PIK3R5: variants seen among roughly 807,000 people sequenced by gnomAD.
The protein encoded by PIK3R5 is phosphoinositide-3-kinase regulatory subunit 5, also known as phosphoinositide 3-kinase regulatory subunit 5.
In PIK3R5, 32 loss-of-function variants were observed where a neutral mutation model predicts 94.9. That is an observed-to-expected ratio of 0.34 (90% CI 0.25 to 0.45). PIK3R5 has a LOEUF of 0.45. Ranked by LOEUF, PIK3R5 falls within the 20% of genes least tolerant of loss-of-function variation. The pLI, the probability that PIK3R5 is intolerant of heterozygous loss-of-function variation, is 1.00. For synonymous variants in PIK3R5, 443 were observed against 479.4 expected (o/e 0.92, Z 0.99); for missense variants, 853 against 1,144.6 (o/e 0.75, Z 3.68).
Position 8,918,548 on chromosome 17 carries a change from T to G in PIK3R5, c.-13-7041A>C, listed in dbSNP as rs141121762. On this transcript the variant is annotated intron_variant, in intron 1 of 18. Transcript: ENST00000447110. ...ACATAAATGGAGGAGAAATGACAGGTCTTCTTTACAAAAGAATTCCAATTA... is the reference window on the plus strand; with the variant it reads ...ACATAAATGGAGGAGAAATGACAGGGCTTCTTTACAAAAGAATTCCAATTA... 4.7e-3 allele frequency among the ~76,000 whole-genome samples: 710 copies of G among 152,322 alleles called. 5 individuals are homozygous for G. Among genetic ancestry groups the G allele is most frequent in the African/African-American group, 0.016 (676 of 41,558 alleles).
chr17:8,891,838 T>C (rs1242101272), intron 6 of PIK3R5, among the ~76,000 whole-genome samples: 1 of 151,884 alleles, frequency 6.6e-6, no homozygotes, highest in Admixed American at 6.6e-5. Context: ...ACTCCTCACC[T>C]CGTGATCCAC....
chr17:8,889,951 C>G lies in PIK3R5; in HGVS notation c.811+22G>C, dbSNP rs571671799. 1.4e-5 allele frequency: 22 copies of G among 1,612,166 alleles called. No individual in the cohort carries two copies. In the African/African-American group the frequency reaches 2.4e-4, roughly 18 times the overall value. ...TAGGCCATGGGGAATGTGGGAGAAC[C>G]CCATTCTCCCAAGAGCCTCACCTAA... On this transcript the variant is annotated intron_variant, in intron 8 of 18. Transcript: ENST00000447110. The surrounding 1 kb of genome is among the most constrained non-coding windows in gnomAD (Gnocchi z 4.1).
chr17:8,881,572 C>T lies in PIK3R5; in HGVS notation c.2382+58G>A. 7.5e-7 allele frequency: 1 copy of T among 1,336,306 alleles called. No homozygotes were observed. The highest frequency in any genetic ancestry group is 1.1e-6 in the Non-Finnish European group (1 of 948,542). 82.8% of individuals were successfully genotyped at this position (1,336,306 alleles called of 1,614,324 possible). A position where few individuals can be genotyped will look rare whatever the true frequency, so the allele number is the denominator to read the frequency against. Reference sequence around the variant, plus strand: ...GCACACACACGTACACACATACGCACATGCACGCTCCAGTAAGTCTCTTGA... The same window carrying T: ...GCACACACACGTACACACATACGCATATGCACGCTCCAGTAAGTCTCTTGA... On this transcript the variant is annotated intron_variant, in intron 17 of 18. Coordinates refer to ENST00000447110, the MANE Select transcript of PIK3R5 (RefSeq NM_001142633.3). This position sits in a 1 kb window ranked among gnomAD's most constrained non-coding sequence, Gnocchi z 4.8.
Position 8,884,610 on chromosome 17 carries a change from C to A in PIK3R5, c.2205+97G>T. 1.1e-6 allele frequency: 1 copy of A among 933,440 alleles called. No homozygotes were observed. The allele number at this position is 933,440 out of a possible 1,614,324, so 57.8% of individuals were successfully genotyped here. On this transcript the variant is annotated intron_variant, in intron 15 of 18. Coordinates refer to ENST00000447110, the MANE Select transcript of PIK3R5 (RefSeq NM_001142633.3). The surrounding 1 kb of genome is among the most constrained non-coding windows in gnomAD (Gnocchi z 5.8). ...CAGCCTTCCAGCGTAAAGACTGGGG[C>A]CCAGGAACACACGAGTCCAGCTCTG...
chr17:8,887,832 A>AT, intron 10 of PIK3R5, 149 bp from the exon 11 acceptor site: 1 of 598,110 alleles, frequency 1.7e-6, no homozygotes, highest in Non-Finnish European at 2.7e-6. Context: ...ATCTCTACTA[A>AT]GACAAAAAAA....
intron 3 of PIK3R5, among the ~76,000 whole-genome samples, chr17:8,907,047 T>C (rs575452175): frequency 7.2e-5 from 11 of 152,326 alleles, no homozygotes; most frequent in Admixed American, 3.9e-4. Context: ...TTTTTTGAGA[T>C]GGAGTCTCGC....
rs1369850132 is a variant in PIK3R5 at position 8,878,946 on chromosome 17, A to T, written c.*1693T>A. ...GACAAATCAAGTTTTATTTGACAATAATATTAAATTCCACTCATTAGTTCC... is the reference window on the plus strand; with the variant it reads ...GACAAATCAAGTTTTATTTGACAATTATATTAAATTCCACTCATTAGTTCC... On this transcript the variant is annotated 3_prime_UTR_variant, in exon 19 of 19. Transcript: ENST00000447110. The T allele has an allele frequency of 6.6e-6, 1 of 152,220 alleles. No homozygotes were observed. Among genetic ancestry groups the T allele is most frequent in the Non-Finnish European group, 1.5e-5 (1 of 68,048 alleles). 9.4% of individuals were successfully genotyped at this position (152,220 alleles called of 1,614,324 possible).
intron 1 of PIK3R5, among the ~76,000 whole-genome samples, chr17:8,953,399 G>T (rs914493743): frequency 2.0e-5 from 3 of 152,146 alleles, no homozygotes; most frequent in African/African-American, 7.2e-5. Flanking sequence ...TCTCTCAAGT[G>T]GGAGGTTTTT....
At chr17:8,942,014 C>G (rs987218912) in intron 1 of PIK3R5, among the ~76,000 whole-genome samples, 4 of 152,316 alleles carry the variant, frequency 2.6e-5, no homozygotes, top group Non-Finnish European at 5.9e-5. Context: ...CAGGGAGGCT[C>G]AGGGGGCCGG....
At position 8,955,755 on chromosome 17, in the gene PIK3R5, C is replaced by G. The variant is rs551347397; in HGVS notation, c.-14+9841G>C. 6.6e-6 allele frequency among the ~76,000 whole-genome samples: 1 copy of G among 152,168 alleles called. No homozygotes were observed. The highest frequency in any genetic ancestry group is 6.5e-5 in the Admixed American group (1 of 15,304). On this transcript the variant is annotated intron_variant, in intron 1 of 18. Transcript: ENST00000447110. The surrounding 1 kb of genome is among the most constrained non-coding windows in gnomAD (Gnocchi z 4.4). ...GAACAAGGAAGATGGAGGGAGGACTCGGAGATGAGTCCAAGGTTTCAAGGC... is the reference window on the plus strand; with the variant it reads ...GAACAAGGAAGATGGAGGGAGGACTGGGAGATGAGTCCAAGGTTTCAAGGC...
rs75296102 is a variant in PIK3R5, at chr17:8,934,861, A to T, written c.-13-23354T>A. On this transcript the variant is annotated intron_variant, in intron 1 of 18. Coordinates refer to ENST00000447110, the MANE Select transcript of PIK3R5 (RefSeq NM_001142633.3). The stretch of plus-strand genomic sequence containing the variant: ...TCTGAAACCTTTCCTTTGGGTTTTC[A>T]TTGCCTTGAGTCAAAACTCAAGCCC... 1.7e-3 allele frequency among the ~76,000 whole-genome samples: 253 copies of T among 152,280 alleles called. 3 individuals are homozygous for T. The East Asian group carries it at 0.04, about 24-fold the overall frequency.
At chr17:8,897,225 G>A (rs899675374) in intron 5 of PIK3R5, among the ~76,000 whole-genome samples, 1 of 152,212 alleles carries the variant, frequency 6.6e-6, no homozygotes, top group Non-Finnish European at 1.5e-5. Flanking sequence ...GACATAACAA[G>A]GGAGGCTCGG....
In PIK3R5 at chr17:8,887,583, G is replaced by A; in HGVS notation, c.1717C>T (p.Pro573Ser). ...RSHGTSPGAC[P>S]PPRSQTPSPP... ...GAGGGCGTCTGGCTCCGAGGGGGTG[G>A]ACAGGCACCAGGGCTGGTCCCATGA... The change falls in exon 11 of 19, where the codon CCA (proline) becomes TCA (serine). Residue 573 changes from proline (P) to serine (S), a missense_variant. Transcript: ENST00000447110. The A allele has an allele frequency of 6.2e-7, 1 of 1,609,568 alleles. No individual in the cohort carries two copies.
chr17:8,925,990 C>G lies in PIK3R5; in HGVS notation c.-13-14483G>C, dbSNP rs886730028. Among the ~76,000 whole-genome samples, 2 of 152,048 alleles carry G rather than the reference C, an allele frequency of 1.3e-5. No homozygotes were observed. Among genetic ancestry groups the G allele is most frequent in the Admixed American group, 1.3e-4 (2 of 15,264 alleles). On this transcript the variant is annotated intron_variant, in intron 1 of 18. Transcript: ENST00000447110. The surrounding 1 kb of genome is among the most constrained non-coding windows in gnomAD (Gnocchi z 5.1). The stretch of plus-strand genomic sequence containing the variant: ...TGCTGTGGTCACTGAGGCTGTGAAC[C>G]ATGTGAAGCGAGAAGAGTGAGGAGA...
At chr17:8,915,716 G>T (rs969268602) in intron 1 of PIK3R5, 6 of 152,376 alleles carry the variant, frequency 3.9e-5, no homozygotes, top group African/African-American at 1.2e-4. Context: ...ATGCCATGAA[G>T]CAGGAGTGAG....
chr17:8,892,161 G>A lies in PIK3R5; in HGVS notation c.483-1249C>T, dbSNP rs534782935. On this transcript the variant is annotated intron_variant, in intron 6 of 18. Coordinates refer to ENST00000447110, the MANE Select transcript of PIK3R5 (RefSeq NM_001142633.3). This position sits in a 1 kb window ranked among gnomAD's most constrained non-coding sequence, Gnocchi z 4.3. ...TAAACCCAGTGCAAAGGAGCACCAC[G>A]CAGGGCAGCATTCCCTCCACACTCT... Among the ~76,000 whole-genome samples, 3 of 152,238 alleles carry A rather than the reference G, an allele frequency of 2.0e-5. No individual in the cohort carries two copies. In the South Asian group the frequency reaches 6.2e-4, roughly 32 times the overall value.
intron 1 of PIK3R5, among the ~76,000 whole-genome samples, chr17:8,960,904 G>A (rs1171583328): frequency 1.4e-5 from 2 of 146,580 alleles, no homozygotes; most frequent in Non-Finnish European, 3.0e-5. Flanking sequence ...GTGCATGGAC[G>A]CCTTGCTTGT....
At chr17:8,887,428 C>T in intron 11 of PIK3R5, 93 bp downstream of exon 11, 3 of 1,431,708 alleles carry the variant, frequency 2.1e-6, no homozygotes, top group Non-Finnish European at 2.8e-6. Flanking sequence ...GCCCTGTCAA[C>T]ACAGGTGCTT....
rs1567637877 is a variant in PIK3R5 at position 8,890,278 on chromosome 17, G to T, written c.658-152C>A. On this transcript the variant is annotated intron_variant, in intron 7 of 18. Coordinates refer to ENST00000447110, the MANE Select transcript of PIK3R5 (RefSeq NM_001142633.3). The surrounding 1 kb of genome is among the most constrained non-coding windows in gnomAD (Gnocchi z 6.1). ...TACCCACAGCTGGCCAGGCAGCCAG[G>T]CCTCTCCCTGCCCTTCCATTCTCAG... The T allele has an allele frequency of 2.8e-6, 2 of 717,074 alleles. No homozygotes were observed. Among genetic ancestry groups the T allele is most frequent in the Non-Finnish European group, 4.6e-6 (2 of 431,128 alleles). The allele number at this position is 717,074 out of a possible 1,614,324, so 44.4% of individuals were successfully genotyped here.
Sources: allele counts gnomAD v4.1 joint callset (sites outside exome capture counted in the v4.1 genomes callset), GRCh38; gene constraint gnomAD v4.1.1; non-coding constraint Gnocchi (gnomAD v3.1); transcripts MANE v1.5; gene names NCBI Gene and HGNC (gene_info 2026-07-23, HGNC 2026-07-21).